Variants in ZNF230 observed in about 807,000 individuals in gnomAD.
ZNF230 encodes zinc finger protein FDZF2.
Under a neutral mutation model 10.0 loss-of-function variants are expected in ZNF230, and 12 were observed. That is an observed-to-expected ratio of 1.20 (90% CI 0.77 to 1.95). The LOEUF (loss-of-function observed/expected upper bound fraction) is 1.95. Among genes scored for constraint, ZNF230 ranks in the 30% most tolerant of loss-of-function variants. The pLI is 0.00. For missense variants in ZNF230, 532 were observed against 565.8 expected (o/e 0.94, Z 0.61); for synonymous variants, 174 against 193.6 (o/e 0.90, Z 0.84).
At chr19:44,003,224 G>A (rs1367040615) in intron 1 of ZNF230, 117 bp downstream of exon 1, 4 of 152,330 alleles carry the variant, frequency 2.6e-5, no homozygotes, top group Non-Finnish European at 5.9e-5. Flanking sequence ...GCCCTGCTGT[G>A]AGCGTTTCCA....
In ZNF230 at chr19:44,010,351, C is replaced by A; in HGVS notation, c.312C>A (p.Thr104=). 1.2e-6 allele frequency: 2 copies of A among 1,614,220 alleles called. No homozygotes were observed. The highest frequency in any genetic ancestry group is 1.7e-6 in the Non-Finnish European group (2 of 1,180,028). Residue 104 remains threonine (T), a synonymous_variant, in exon 5 of 5, where the codon ACC becomes ACA. Transcript: ENST00000429154. The stretch of plus-strand genomic sequence containing the variant: ...GGGAACAAACTGCAAGTGACTTAAC[C>A]CAGTCTCAAGACTCCATCATAAATA... ...QIWEQTASDL[T]QSQDSIINNS...
Position 44,008,683 on chromosome 19 carries a change from G to A in ZNF230, c.16-107G>A. On this transcript the variant is annotated intron_variant, in intron 2 of 4. Coordinates refer to ENST00000429154, the MANE Select transcript of ZNF230 (RefSeq NM_006300.4). ...GTCAGGATACAGACAGAATGAGTGGGAAATCTATAAGTTGACCTCCACTTC... is the reference window on the plus strand; with the variant it reads ...GTCAGGATACAGACAGAATGAGTGGAAAATCTATAAGTTGACCTCCACTTC... The A allele has an allele frequency of 2.9e-6, 4 of 1,373,032 alleles. No homozygotes were observed. In the South Asian group the frequency reaches 4.2e-5, roughly 15 times the overall value. The allele number at this position is 1,373,032 out of a possible 1,614,324, so 85.1% of individuals were successfully genotyped here.
chr19:44,009,193 T>G (rs375349451), intron 4 of ZNF230, 23 bp downstream of exon 4: 607 of 1,609,764 alleles, frequency 3.8e-4, no homozygotes, highest in Non-Finnish European at 4.9e-4. Context: ...CAACTGTGTG[T>G]CCTTGTACAT....
rs1285718423 is a variant in ZNF230 at position 44,010,725 on chromosome 19, G to A, written c.686G>A (p.Cys229Tyr). ...TGEKPFKCEQCGKGFRCRAIL... is the reference protein window; with the variant it reads ...TGEKPFKCEQYGKGFRCRAIL... ...GAGAAACCATTCAAATGTGAGCAATGTGGGAAAGGCTTCAGATGTAGAGCG... is the reference window on the plus strand; with the variant it reads ...GAGAAACCATTCAAATGTGAGCAATATGGGAAAGGCTTCAGATGTAGAGCG... The change falls in exon 5 of 5, where the codon TGT becomes TAT. Residue 229 changes from cysteine (C) to tyrosine (Y), a missense_variant. By Grantham distance (194) the Cys-to-Tyr change is radical (BLOSUM62 -2). Coordinates refer to ENST00000429154, the MANE Select transcript of ZNF230 (RefSeq NM_006300.4). 1.2e-6 allele frequency: 2 copies of A among 1,614,114 alleles called. No homozygotes were observed. The highest frequency in any genetic ancestry group is 1.3e-5 in the African/African-American group (1 of 74,938).
Position 44,010,260 on chromosome 19 carries a change from T to G in ZNF230, c.230-9T>G. On this transcript the variant is annotated splice_polypyrimidine_tract_variant and intron_variant, in intron 4 of 4. Transcript: ENST00000429154. ...TTTGTCCACATCTCTTCATTCTGTG[T>G]CCTTATAGGCGGCAAGACTATTGCG... 3 of 1,586,902 alleles carry G rather than the reference T, an allele frequency of 1.9e-6. No individual in the cohort carries two copies. Among genetic ancestry groups the G allele is most frequent in the Non-Finnish European group, 2.6e-6 (3 of 1,165,812 alleles).
chr19:44,010,764 A>T lies in ZNF230; in HGVS notation c.725A>T (p.His242Leu). The change falls in exon 5 of 5, where the codon CAC becomes CTC. Residue 242 changes from histidine to leucine, a missense_variant. Coordinates refer to ENST00000429154, the MANE Select transcript of ZNF230 (RefSeq NM_006300.4). ...AGATGTAGAGCGATACTTCAAGTTC[A>T]CTGCAAATTACACACAGGAGAGAAA... ...GFRCRAILQV[H>L]CKLHTGEKPY... The T allele has an allele frequency of 2.5e-6, 4 of 1,614,250 alleles. No homozygotes were observed. Among genetic ancestry groups the T allele is most frequent in the Non-Finnish European group, 3.4e-6 (4 of 1,180,028 alleles).
In ZNF230 at chr19:44,011,476, A is replaced by G. The variant is rs1177126003; in HGVS notation, c.*12A>G. On this transcript the variant is annotated 3_prime_UTR_variant, in exon 5 of 5. Coordinates refer to ENST00000429154, the MANE Select transcript of ZNF230 (RefSeq NM_006300.4). ...TAAATGATATGTAAGTTGTACATAT[A>G]TATGGGATATGGTATGAAATTTTAA... 2 of 1,549,392 alleles carry G rather than the reference A, an allele frequency of 1.3e-6. No homozygotes were observed. The highest frequency in any genetic ancestry group is 1.7e-6 in the Non-Finnish European group (2 of 1,146,916).
chr19:44,007,194 A>G lies in ZNF230; in HGVS notation c.15+101A>G. 6.9e-6 allele frequency: 8 copies of G among 1,159,192 alleles called. 1 individual carries two copies. In the East Asian group the frequency reaches 2.0e-4, roughly 29 times the overall value. 71.8% of individuals were successfully genotyped at this position (1,159,192 alleles called of 1,614,324 possible). ...GGGAAGACTCAAGGAGGAAATGGGC[A>G]TTTGGGACCTGTTGTGTGCCAGTTG... On this transcript the variant is annotated intron_variant, in intron 2 of 4. Transcript: ENST00000429154.
rs746376328 is a variant in ZNF230, at chr19:44,010,353, A to G, written c.314A>G (p.Gln105Arg). ...GAACAAACTGCAAGTGACTTAACCC[A>G]GTCTCAAGACTCCATCATAAATAAT... ...IWEQTASDLT[Q>R]SQDSIINNSH... is the part of the protein sequence containing the mutation. The change falls in exon 5 of 5, where the codon CAG becomes CGG. Residue 105 changes from glutamine (Q) to arginine (R), a missense_variant. Physicochemically the swap from Gln to Arg is conservative, Grantham distance 43. Transcript: ENST00000429154. 3 of 1,614,136 alleles carry G rather than the reference A, an allele frequency of 1.9e-6. No homozygotes were observed. The highest frequency in any genetic ancestry group is 3.3e-5 in the Admixed American group (2 of 60,014).
At position 44,012,224 on chromosome 19, in the gene ZNF230, GT is replaced by G; in HGVS notation, c.*761del. On this transcript the variant is annotated 3_prime_UTR_variant, in exon 5 of 5. Transcript: ENST00000429154. Reference sequence around the variant, plus strand: ...CTCAAGTCCTCAACTGCACCAGAGTGTCCACGTTGGACAGAATCCTTAGTAA... The same window carrying G: ...CTCAAGTCCTCAACTGCACCAGAGTGCCACGTTGGACAGAATCCTTAGTAA... 1 of 355,482 alleles carries G rather than the reference GT, an allele frequency of 2.8e-6. No individual in the cohort carries two copies. The highest frequency in any genetic ancestry group is 5.5e-6 in the Non-Finnish European group (1 of 181,900). The allele number at this position is 355,482 out of a possible 1,614,324, so 22.0% of individuals were successfully genotyped here.
intron 2 of ZNF230, 48 bp downstream of exon 2, chr19:44,007,141 C>A: frequency 1.9e-6 from 3 of 1,574,664 alleles, no homozygotes; most frequent in South Asian, 2.3e-5. Context: ...TCTTATTGCT[C>A]ATATTGTCAT....
In ZNF230 at chr19:44,010,433, A is replaced by G. The variant is rs775554812; in HGVS notation, c.394A>G (p.Ile132Val). The change falls in exon 5 of 5, where the codon ATA becomes GTA. Residue 132 changes from isoleucine to valine, a missense_variant. Transcript: ENST00000429154. ...VPSQVEAGLS[I>V]IHTGQKPSQN... ...CTCCCAGGTTGAGGCAGGACTATCT[A>G]TAATTCATACAGGACAGAAACCTTC... 10 of 1,614,244 alleles carry G rather than the reference A, an allele frequency of 6.2e-6. No homozygotes were observed. The East Asian group carries it at 6.7e-5, about 11-fold the overall frequency.
Position 44,010,335 on chromosome 19 carries a change from C to T in ZNF230, c.296C>T (p.Thr99Ile), listed in dbSNP as rs200281764. ...DCPCQQIWEQ[T>I]ASDLTQSQDS... ...CCTTGCCAGCAAATCTGGGAACAAA[C>T]TGCAAGTGACTTAACCCAGTCTCAA... is the stretch of plus-strand genomic sequence containing the variant. The change falls in exon 5 of 5, where the codon ACT becomes ATT. Residue 99 changes from threonine (T) to isoleucine (I), a missense_variant. Coordinates refer to ENST00000429154, the MANE Select transcript of ZNF230 (RefSeq NM_006300.4). 5.0e-5 allele frequency: 81 copies of T among 1,614,026 alleles called. No homozygotes were observed. Among genetic ancestry groups the T allele is most frequent in the Middle Eastern group, 1.6e-4 (1 of 6,082 alleles).
intron 4 of ZNF230, chr19:44,009,430 T>G: frequency 1.8e-6 from 1 of 543,796 alleles, no homozygotes; most frequent in East Asian, 2.9e-5. Flanking sequence ...TTTATTAATG[T>G]TATTAAAGTT....
At position 44,012,327 on chromosome 19, in the gene ZNF230, A is replaced by T; in HGVS notation, c.*863A>T. ...TTCACAAAGGGGCAAAACATTAAAA[A>T]GAGGCATATGGTAAGCACTTCAGTG... On this transcript the variant is annotated 3_prime_UTR_variant, in exon 5 of 5. Transcript: ENST00000429154. 2.0e-6 allele frequency: 1 copy of T among 501,050 alleles called. No individual in the cohort carries two copies. The highest frequency in any genetic ancestry group is 4.0e-6 in the Non-Finnish European group (1 of 251,592). 31.0% of individuals were successfully genotyped at this position (501,050 alleles called of 1,614,324 possible).
chr19:44,010,217 C>A, intron 4 of ZNF230, 52 bp from the exon 5 acceptor site: 1 of 1,496,860 alleles, frequency 6.7e-7, no homozygotes, highest in East Asian at 2.3e-5. Context: ...ATCTTAAAAA[C>A]ACCAAACAAA....
chr19:44,009,396 T>A (rs971184628), intron 4 of ZNF230: 18 of 587,086 alleles, frequency 3.1e-5, no homozygotes, highest in Non-Finnish European at 1.5e-5. Context: ...AGTTTTCCAC[T>A]CCTTGGTCCA....
At chr19:44,009,296 C>G (rs1039041317) in intron 4 of ZNF230, 126 bp downstream of exon 4, 14 of 1,070,998 alleles carry the variant, frequency 1.3e-5, no homozygotes, top group South Asian at 9.3e-5. Flanking sequence ...TATTACAACC[C>G]CTTTCTGGCT....
chr19:44,005,759 T>C (rs1302716846), intron 1 of ZNF230, among the ~76,000 whole-genome samples: 1 of 152,088 alleles, frequency 6.6e-6, no homozygotes, highest in African/African-American at 2.4e-5. Flanking sequence ...TGTGGTGGCA[T>C]GCTCCTGTAA....
Sources: gnomAD v4.1 joint callset for allele counts (sites outside exome capture counted in the v4.1 genomes callset) on GRCh38, gnomAD v4.1.1 for gene constraint, MANE v1.5 for transcripts, NCBI Gene and HGNC (gene_info 2026-07-23, HGNC 2026-07-21) for gene names.